The following PPARGC1A variants were observed in gnomAD, a reference collection of about 807,000 sequenced individuals.
PPARGC1A encodes PPARG coactivator 1 alpha, also known as peroxisome proliferator-activated receptor gamma coactivator 1-alpha.
In PPARGC1A, 25 loss-of-function variants were observed where a neutral mutation model predicts 88.7. The observed-to-expected ratio is 0.28, with a 90% CI of 0.21 to 0.39. PPARGC1A has a LOEUF of 0.39. Among genes scored for constraint, PPARGC1A ranks in the 10% least tolerant of loss-of-function variants. The pLI is 1.00. For missense variants in PPARGC1A, 880 were observed against 968.7 expected (o/e 0.91, Z 1.22); for synonymous variants, 363 against 355.6 (o/e 1.02, Z -0.24).
At chr4:24,126,395 A>G in the PPARGC1A span, among the ~76,000 whole-genome samples, 1 of 152,206 alleles carries the variant, frequency 6.6e-6, no homozygotes, top group Non-Finnish European at 1.5e-5. Context: ...ACAAGGGGAC[A>G]AAATCATTTC....
the PPARGC1A span, among the ~76,000 whole-genome samples, chr4:23,909,428 T>C: frequency 2.6e-5 from 4 of 152,120 alleles, no homozygotes; most frequent in African/African-American, 9.7e-5. Flanking sequence ...AATGTACAGA[T>C]ATAGGAAAAT....
At chr4:24,330,253 G>A in the PPARGC1A span, among the ~76,000 whole-genome samples, 6 of 152,308 alleles carry the variant, frequency 3.9e-5, no homozygotes, top group East Asian at 1.2e-3. Flanking sequence ...CCAATAGAGT[G>A]CACAGGAAAT....
the PPARGC1A span, among the ~76,000 whole-genome samples, chr4:24,457,526 T>A: frequency 3.2e-5 from 4 of 124,358 alleles, no homozygotes; most frequent in African/African-American, 7.5e-5. Context: ...AAGATACTGT[T>A]TTTTGTTTGT....
At chr4:23,944,294 G>A in the PPARGC1A span, among the ~76,000 whole-genome samples, 3 of 152,116 alleles carry the variant, frequency 2.0e-5, no homozygotes, top group Non-Finnish European at 4.4e-5. Context: ...GCACAATAAT[G>A]ATAAATAAAT....
chr4:24,326,665 C>T, the PPARGC1A span, among the ~76,000 whole-genome samples: 4 of 152,210 alleles, frequency 2.6e-5, no homozygotes, highest in Admixed American at 1.3e-4. Context: ...TAAAAACACA[C>T]GTGCTCTCCC....
chr4:23,899,088 C>T (rs898608712), intron 1 of PPARGC1A, among the ~76,000 whole-genome samples: 1 of 152,026 alleles, frequency 6.6e-6, no homozygotes, highest in Non-Finnish European at 1.5e-5. Flanking sequence ...GATCCACCCC[C>T]CCCCGGCCTT....
At chr4:23,923,116 GTT>G in the PPARGC1A span, among the ~76,000 whole-genome samples, 103 of 131,644 alleles carry the variant, frequency 7.8e-4, 1 homozygote, top group South Asian at 2.1e-3. Flanking sequence ...TTTGTTGCTT[GTT>G]TTTTTTTTTT....
chr4:24,439,187 C>G, the PPARGC1A span, among the ~76,000 whole-genome samples: 2 of 152,160 alleles, frequency 1.3e-5, no homozygotes, highest in African/African-American at 4.8e-5. Flanking sequence ...TCTTCTCCAT[C>G]CTTCTCCTTC....
the PPARGC1A span, among the ~76,000 whole-genome samples, chr4:24,068,659 C>A: frequency 1.3e-5 from 2 of 152,306 alleles, no homozygotes; most frequent in South Asian, 2.1e-4. Flanking sequence ...AGGACTCACA[C>A]AGACCTGGCC....
At chr4:24,387,838 A>AAGAAAGAAAGAAAG in the PPARGC1A span, among the ~76,000 whole-genome samples, 3 of 72,426 alleles carry the variant, frequency 4.1e-5, no homozygotes, top group South Asian at 5.1e-4. Flanking sequence ...GAAAGAGAGA[A>AAGAAAGAAAGAAAG]AGAGAGAGAG....
chr4:24,121,770 A>G, the PPARGC1A span, among the ~76,000 whole-genome samples: 9 of 152,206 alleles, frequency 5.9e-5, no homozygotes, highest in African/African-American at 2.2e-4. Flanking sequence ...TCATATTTTC[A>G]TTACAAATAA....
the PPARGC1A span, among the ~76,000 whole-genome samples, chr4:24,283,169 T>C: frequency 2.8e-3 from 432 of 152,262 alleles, 3 homozygotes; most frequent in East Asian, 0.065. Flanking sequence ...TGGTATTTGA[T>C]CCAAAAAGAT....
the PPARGC1A span, among the ~76,000 whole-genome samples, chr4:24,193,698 G>T: frequency 5.3e-5 from 8 of 152,122 alleles, no homozygotes; most frequent in Non-Finnish European, 7.3e-5. Context: ...TGGGTTTTAG[G>T]AAGCCCTGGG....
the PPARGC1A span, among the ~76,000 whole-genome samples, chr4:24,125,899 C>A: frequency 6.6e-6 from 1 of 152,210 alleles, no homozygotes; most frequent in Non-Finnish European, 1.5e-5. Flanking sequence ...AAGTAAACAC[C>A]TTTCCTTGCT....
chr4:24,245,336 C>T, the PPARGC1A span, among the ~76,000 whole-genome samples: 1 of 152,210 alleles, frequency 6.6e-6, no homozygotes, highest in African/African-American at 2.4e-5. Flanking sequence ...TAAGCAAGTG[C>T]TTGCATCATG....
chr4:23,891,386 T>G (rs1168910885), upstream of PPARGC1A, among the ~76,000 whole-genome samples: 1 of 152,224 alleles, frequency 6.6e-6, no homozygotes, highest in African/African-American at 2.4e-5. Flanking sequence ...CCCAGTTACC[T>G]AAATATAATT....
chr4:24,168,748 T>C, the PPARGC1A span, among the ~76,000 whole-genome samples: 58,855 of 152,104 alleles, frequency 0.39, 13,699 homozygotes, highest in African/African-American at 0.65. Context: ...AGAAAAATAC[T>C]ACGGTGTTGG....
chr4:23,889,129 T>G (rs1019523307), intron 1 of PPARGC1A: 1 of 985,262 alleles, frequency 1.0e-6, no homozygotes, highest in Non-Finnish European at 1.2e-6. Flanking sequence ...GTGGAATTGA[T>G]GTATTGCTGT....
the PPARGC1A span, among the ~76,000 whole-genome samples, chr4:24,160,604 T>A: frequency 3.3e-5 from 5 of 152,150 alleles, no homozygotes; most frequent in African/African-American, 1.2e-4. Context: ...GCCCCATGCC[T>A]CCATCATCTC....
Sources: gnomAD v4.1 joint callset for allele counts (sites outside exome capture counted in the v4.1 genomes callset) on GRCh38, gnomAD v4.1.1 for gene constraint, MANE v1.5 for transcripts, NCBI Gene and HGNC (gene_info 2026-07-23, HGNC 2026-07-21) for gene names.